Variants in LIPN observed in about 807,000 individuals in gnomAD.
The protein encoded by LIPN is lipase member N.
LIPN carries 32 observed loss-of-function variants against 43.7 expected under a neutral mutation model. The ratio of observed to expected loss-of-function variants is 0.73; its 90% confidence interval spans 0.55 to 0.98. LIPN has a LOEUF of 0.98. LIPN is among the 50% of genes least tolerant of loss of function. The pLI, the probability that LIPN is intolerant of heterozygous loss-of-function variation, is 0.00. For missense variants in LIPN, 505 were observed against 483.8 expected, an observed-to-expected ratio of 1.04 and a Z score of -0.41; for synonymous variants, 156 against 157.6, an observed-to-expected ratio of 0.99 and a Z score of 0.08.
At chr10:88,762,167 G>C in intron 2 of LIPN, 21 bp from the exon 3 acceptor site, 1 of 1,293,688 alleles carries the variant, frequency 7.7e-7, no homozygotes, top group Non-Finnish European at 1.1e-6. Flanking sequence ...TTCCACTAAC[G>C]ACTGTATTTT....
chr10:88,761,223 A>C (rs1038986187), intron 1 of LIPN, among the ~76,000 whole-genome samples, 175 bp from the exon 2 acceptor site: 2 of 152,150 alleles, frequency 1.3e-5, no homozygotes, highest in African/African-American at 4.8e-5. Flanking sequence ...TACATGAAAA[A>C]ATAGATTAAT....
At position 88,764,416 on chromosome 10, in the gene LIPN, G is replaced by A. The variant is rs370301124; in HGVS notation, c.233G>A (p.Arg78Gln). ...GRTHARSTGPRPVVYMQHALF... is the reference protein window; with the variant it reads ...GRTHARSTGPQPVVYMQHALF... Reference sequence around the variant, plus strand: ...TTACCCTTTCCCCCACCAGGTCCCCGGCCAGTTGTGTATATGCAGCATGCC... The same window carrying A: ...TTACCCTTTCCCCCACCAGGTCCCCAGCCAGTTGTGTATATGCAGCATGCC... The change falls in exon 4 of 10, where the codon CGG becomes CAG. Residue 78 changes from arginine (R) to glutamine (Q), a missense_variant. Coordinates refer to ENST00000404459, the MANE Select transcript of LIPN (RefSeq NM_001102469.2). 6.2e-5 allele frequency: 99 copies of A among 1,605,340 alleles called. No individual in the cohort carries two copies. Among genetic ancestry groups the A allele is most frequent in the South Asian group, 1.0e-4 (9 of 89,814 alleles).
intron 7 of LIPN, 48 bp downstream of exon 7, chr10:88,771,039 C>G (rs191637765): frequency 7.0e-7 from 1 of 1,437,398 alleles, no homozygotes; most frequent in South Asian, 1.3e-5. Flanking sequence ...GAAATTCCAG[C>G]TTTCCTTTGA....
In LIPN at chr10:88,768,533, ATC is replaced by A. The variant is rs1296462803; in HGVS notation, c.536-258_536-257del. On this transcript the variant is annotated intron_variant, in intron 5 of 9. Coordinates refer to ENST00000404459, the MANE Select transcript of LIPN (RefSeq NM_001102469.2). Reference sequence around the variant, plus strand: ...CAGTAGCTACTCCAGCAGCTTAACCATCACCTTTCCCCTGCCAACTACTCCAT... The same window carrying A: ...CAGTAGCTACTCCAGCAGCTTAACCAACCTTTCCCCTGCCAACTACTCCAT... 3.3e-5 allele frequency among the ~76,000 whole-genome samples: 5 copies of A among 151,808 alleles called. No individual in the cohort carries two copies. In the East Asian group the frequency reaches 9.7e-4, roughly 29 times the overall value.
chr10:88,770,516 G>A (rs1843186294), intron 6 of LIPN, among the ~76,000 whole-genome samples: 1 of 151,818 alleles, frequency 6.6e-6, no homozygotes, highest in Non-Finnish European at 1.5e-5. Context: ...GGCCTTTATT[G>A]CAATCTCCTT....
In LIPN at chr10:88,762,300, G is replaced by T. The variant is rs1244367172; in HGVS notation, c.221G>T (p.Ser74Ile). ...CCTTATGGGCGAACACATGCTAGGAGCACAGGTACAAGATATGTCTCTCCT... is the reference window on the plus strand; with the variant it reads ...CCTTATGGGCGAACACATGCTAGGATCACAGGTACAAGATATGTCTCTCCT... ...RIPYGRTHAR[S>I]TGPRPVVYMQ... Residue 74 changes from serine to isoleucine, a missense_variant, in exon 3 of 10, where the codon AGC becomes ATC. By Grantham distance (142) the Ser-to-Ile change is moderately radical. Transcript: ENST00000404459. 1 of 1,589,924 alleles carries T rather than the reference G, an allele frequency of 6.3e-7. No homozygotes were observed. The highest frequency in any genetic ancestry group is 1.7e-5 in the Admixed American group (1 of 58,396).
At chr10:88,768,266 C>A (rs1158867453) in intron 5 of LIPN, among the ~76,000 whole-genome samples, 1 of 151,778 alleles carries the variant, frequency 6.6e-6, no homozygotes, top group East Asian at 1.9e-4. Flanking sequence ...TTTTTGGAAA[C>A]AGGGAAGAGT....
chr10:88,761,185 G>A (rs775097275), intron 1 of LIPN, among the ~76,000 whole-genome samples: 29 of 152,024 alleles, frequency 1.9e-4, no homozygotes, highest in Admixed American at 3.3e-4. Context: ...TTTCATTTTA[G>A]GAACTGGATT....
intron 5 of LIPN, 73 bp downstream of exon 5, chr10:88,766,451 T>C (rs915196058): frequency 7.9e-6 from 7 of 880,984 alleles, no homozygotes; most frequent in Non-Finnish European, 1.1e-5. Context: ...GGAGTTCACC[T>C]TTATGTTGGA....
intron 6 of LIPN, among the ~76,000 whole-genome samples, chr10:88,769,352 C>G (rs1843166763): frequency 6.6e-6 from 1 of 151,864 alleles, no homozygotes; most frequent in Admixed American, 6.6e-5. Flanking sequence ...TTAATATATT[C>G]CTTCCAATAT....
intron 5 of LIPN, among the ~76,000 whole-genome samples, chr10:88,766,602 T>C (rs1441022467): frequency 6.6e-6 from 1 of 151,968 alleles, no homozygotes; most frequent in African/African-American, 2.4e-5. Context: ...CACAGCAGCA[T>C]ATTGACTACG....
At chr10:88,772,657 GT>G (rs1284165905) in intron 7 of LIPN, among the ~76,000 whole-genome samples, 31 of 151,634 alleles carry the variant, frequency 2.0e-4, no homozygotes, top group Non-Finnish European at 7.4e-5. Flanking sequence ...ATTATTACAG[GT>G]TTGTAGTATA....
intron 9 of LIPN, among the ~76,000 whole-genome samples, chr10:88,775,621 A>G (rs1022608570): frequency 6.6e-6 from 1 of 152,094 alleles, no homozygotes; most frequent in Non-Finnish European, 1.5e-5. Context: ...TTAGAATTCC[A>G]TATGAAAGTT....
At position 88,779,136 on chromosome 10, in the gene LIPN, T is replaced by G. The variant is rs185588025; in HGVS notation, c.*894T>G. On this transcript the variant is annotated 3_prime_UTR_variant, in exon 10 of 10. Coordinates refer to ENST00000404459, the MANE Select transcript of LIPN (RefSeq NM_001102469.2). ...GAAGCCACCAAAATATTTTACCTAATGGAAACCTGATTGCCGCATTTTTGT... is the reference window on the plus strand; with the variant it reads ...GAAGCCACCAAAATATTTTACCTAAGGGAAACCTGATTGCCGCATTTTTGT... Among the ~76,000 whole-genome samples the G allele has an allele frequency of 6.6e-6, 1 of 152,320 alleles. No individual in the cohort carries two copies. The highest frequency in any genetic ancestry group is 6.5e-5 in the Admixed American group (1 of 15,282).
intron 3 of LIPN, among the ~76,000 whole-genome samples, chr10:88,762,602 T>TGCTCCA (rs1843021074): frequency 6.6e-6 from 1 of 152,030 alleles, no homozygotes; most frequent in Admixed American, 6.6e-5. Context: ...ATTTATCATG[T>TGCTCCA]GGAAAATTGC....
rs1843004767 is a variant in LIPN at position 88,761,776 on chromosome 10, TATTTATC to T, written c.108+264_108+270del. Reference sequence around the variant, plus strand: ...CTATCTATCTATGTATCTATCTATCTATTTATCTATCTATCTATCTATCTATAGATAG... The same window carrying T: ...CTATCTATCTATGTATCTATCTATCTTATCTATCTATCTATCTATAGATAG... On this transcript the variant is annotated intron_variant, in intron 2 of 9. Transcript: ENST00000404459. Among the ~76,000 whole-genome samples the T allele has an allele frequency of 3.8e-5, 3 of 78,860 alleles. 1 individual carries two copies. Among genetic ancestry groups the T allele is most frequent in the African/African-American group, 1.7e-4 (2 of 11,552 alleles). The allele number at this position is 78,860 out of a possible 152,430, so 51.7% of individuals were successfully genotyped here.
At chr10:88,757,260 G>A (rs1277534351), upstream of LIPN, among the ~76,000 whole-genome samples, 1 of 151,954 alleles carries the variant, frequency 6.6e-6, no homozygotes, top group Non-Finnish European at 1.5e-5. Context: ...ATCCGCCTGG[G>A]GCAGGAAAAT....
intron 5 of LIPN, among the ~76,000 whole-genome samples, chr10:88,768,056 ACACAC>A (rs1275303533): frequency 1.7e-4 from 22 of 131,454 alleles, no homozygotes; most frequent in African/African-American, 5.8e-4. Flanking sequence ...ACACACACAC[ACACAC>A]ATGCCAGTGG....
In LIPN at chr10:88,766,265, G is replaced by A. The variant is rs764104213; in HGVS notation, c.426-4G>A. 7.0e-6 allele frequency: 10 copies of A among 1,423,998 alleles called. No homozygotes were observed. The South Asian group carries it at 9.4e-5, about 13-fold the overall frequency. The allele number at this position is 1,423,998 out of a possible 1,614,324, so 88.2% of individuals were successfully genotyped here. On this transcript the variant is annotated splice_region_variant and splice_polypyrimidine_tract_variant and intron_variant, in intron 4 of 9. Transcript: ENST00000404459. ...TTTATAAAAGCCCCTGTTTTATTTT[G>A]CAGTTTTGATGAAATGGCCAAATAT...
Sources: gnomAD v4.1 joint callset for allele counts (sites outside exome capture counted in the v4.1 genomes callset) on GRCh38, gnomAD v4.1.1 for gene constraint, MANE v1.5 for transcripts, NCBI Gene and HGNC (gene_info 2026-07-23, HGNC 2026-07-21) for gene names.